The following TMEM223 variants were observed in gnomAD, a reference collection of about 807,000 sequenced individuals.
TMEM223 encodes transmembrane protein 223.
Under a neutral mutation model 14.1 loss-of-function variants are expected in TMEM223, and 14 were observed. The observed-to-expected ratio is 0.99, with a 90% CI of 0.66 to 1.55. The LOEUF is 1.55. TMEM223 is among the 40% of genes most tolerant of loss of function. TMEM223 has a pLI of 0.00. For synonymous variants in TMEM223, 145 were observed against 120.5 expected (o/e 1.20, Z -1.33); for missense variants, 346 against 269.9 (o/e 1.28, Z -1.97).
chr11:62,775,910 C>T (rs1284882457), intron 1 of TMEM223: 6 of 1,612,242 alleles, frequency 3.7e-6, no homozygotes, highest in Non-Finnish European at 4.2e-6. Context: ...CGTGTGCTAT[C>T]GTCTGAGAGA....
At chr11:62,778,665 A>G in intron 1 of TMEM223, 2 of 614,282 alleles carry the variant, frequency 3.3e-6, no homozygotes, top group South Asian at 3.9e-5. Flanking sequence ...GGGTGGGTGG[A>G]AGACAGGACA....
In TMEM223 at chr11:62,790,218, C is replaced by A. The variant is rs146526254; in HGVS notation, c.*405G>T. 1.2e-4 allele frequency: 83 copies of A among 712,678 alleles called. No individual in the cohort carries two copies. The African/African-American group carries it at 1.3e-3, about 11-fold the overall frequency. 44.1% of individuals were successfully genotyped at this position (712,678 alleles called of 1,614,324 possible). A position where few individuals can be genotyped will look rare whatever the true frequency, so the allele number is the denominator to read the frequency against. ...CCTCTTCCTGCAGCTGTTTTTGTACCAAAATATTATATTACTGTCTTCATC... is the reference window on the plus strand; with the variant it reads ...CCTCTTCCTGCAGCTGTTTTTGTACAAAAATATTATATTACTGTCTTCATC... On this transcript the variant is annotated 3_prime_UTR_variant, in exon 2 of 2. Coordinates refer to ENST00000307366, the MANE Select transcript of TMEM223 (RefSeq NM_001080501.3).
At chr11:62,778,182 AGTG>A in intron 1 of TMEM223, 6 of 1,613,754 alleles carry the variant, frequency 3.7e-6, no homozygotes, top group Non-Finnish European at 5.1e-6. Context: ...CGTGAAGAGA[AGTG>A]GTGATGGGCT....
rs187973390 is a variant in TMEM223, at chr11:62,779,147, A to C, written c.315-4482T>G. ...GTGATTCTCCTGCCTCAGCCTCCTG[A>C]ATAGCTGGGATTACAGGCGTGTGCC... is the stretch of plus-strand genomic sequence containing the variant. On this transcript the variant is annotated intron_variant, in intron 1 of 2. Transcript: ENST00000528367. 5.7e-3 allele frequency among the ~76,000 whole-genome samples: 867 copies of C among 151,722 alleles called. 3 individuals carry two copies. Among genetic ancestry groups the C allele is most frequent in the Non-Finnish European group, 8.3e-3 (566 of 67,954 alleles).
downstream of TMEM223, chr11:62,787,781 T>G: frequency 1.5e-6 from 1 of 681,290 alleles, no homozygotes; most frequent in Non-Finnish European, 2.7e-6. Flanking sequence ...CTAGGTGGAG[T>G]CGGGTTTCGT....
chr11:62,776,640 C>T (rs2084190366), intron 1 of TMEM223, among the ~76,000 whole-genome samples: 2 of 151,872 alleles, frequency 1.3e-5, no homozygotes, highest in Admixed American at 6.6e-5. Context: ...CACTTGAGGC[C>T]AGGACTTCAA....
chr11:62,787,387 G>A (rs571074995), downstream of TMEM223: 14 of 1,554,694 alleles, frequency 9.0e-6, no homozygotes, highest in South Asian at 2.3e-5. Flanking sequence ...GGTGGGCTTT[G>A]GGCGGGGTGC....
intron 2 of TMEM223, among the ~76,000 whole-genome samples, chr11:62,773,497 G>T (rs1360200755): frequency 1.0e-4 from 15 of 149,916 alleles, no homozygotes; most frequent in Non-Finnish European, 1.5e-5. Flanking sequence ...ACCCAGAATG[G>T]AGTGCACTGG....
intron 1 of TMEM223, among the ~76,000 whole-genome samples, chr11:62,779,976 A>ATATATATATATATATTTTTTTTTT (rs1294367864): frequency 6.5e-4 from 34 of 52,614 alleles, no homozygotes; most frequent in Non-Finnish European, 9.8e-4. Context: ...ATATATATAT[A>ATATATATATATATATTTTTTTTTT]TTTTTTTTTT....
chr11:62,776,321 T>G, intron 1 of TMEM223: 1 of 1,551,488 alleles, frequency 6.4e-7, no homozygotes, highest in Non-Finnish European at 8.9e-7. Flanking sequence ...CCACTTCATT[T>G]GGGGTTTCCC....
intron 1 of TMEM223, among the ~76,000 whole-genome samples, chr11:62,781,215 G>T (rs1326247613): frequency 7.4e-5 from 11 of 149,456 alleles, no homozygotes; most frequent in Admixed American, 7.3e-4. Context: ...CAGCCTGGGC[G>T]ACAGGGCGAG....
intron 2 of TMEM223, among the ~76,000 whole-genome samples, chr11:62,773,690 C>T (rs1344191654): frequency 6.6e-6 from 1 of 152,120 alleles, no homozygotes; most frequent in African/African-American, 2.4e-5. Context: ...TCAGGTGATT[C>T]GCCCGCCTTG....
At chr11:62,789,709 A>T, downstream of TMEM223, 1 of 1,526,834 alleles carries the variant, frequency 6.5e-7, no homozygotes, top group Non-Finnish European at 8.8e-7. Context: ...GGAAAAACTG[A>T]CATAAATATC....
intron 1 of TMEM223, among the ~76,000 whole-genome samples, chr11:62,774,996 G>A (rs564474488): frequency 3.3e-5 from 5 of 151,626 alleles, no homozygotes; most frequent in Admixed American, 2.0e-4. Flanking sequence ...CCCGGGAGGC[G>A]GAGGTTGCAG....
chr11:62,786,190 A>G, downstream of TMEM223: 1 of 1,549,192 alleles, frequency 6.5e-7, no homozygotes, highest in Non-Finnish European at 8.8e-7. Flanking sequence ...TAGGTCTTTC[A>G]TGGGAAAGGG....
rs200502621 is a variant in TMEM223, at chr11:62,790,084, A to G, written c.*539T>C. The stretch of plus-strand genomic sequence containing the variant: ...AGTGCTTCCTGCAGCCGAAGACTCC[A>G]TGCCCAAGTGCCTGTAATCCCCCCC... On this transcript the variant is annotated 3_prime_UTR_variant, in exon 2 of 2. Transcript: ENST00000307366. 333 of 1,551,794 alleles carry G rather than the reference A, an allele frequency of 2.1e-4. No individual in the cohort carries two copies. Among genetic ancestry groups the G allele is most frequent in the Middle Eastern group, 1.1e-3 (5 of 4,594 alleles).
At position 62,776,374 on chromosome 11, in the gene TMEM223, TC is replaced by T. The variant is rs747673524; in HGVS notation, c.315-1710del. 4.2e-5 allele frequency: 67 copies of T among 1,613,002 alleles called. No individual in the cohort carries two copies. The South Asian group carries it at 7.4e-4, about 18-fold the overall frequency. On this transcript the variant is annotated intron_variant, in intron 1 of 2. Transcript: ENST00000528367. ...TCCTTTGACTCTGGCTTTTGTTCCCTCCCTCCCAGAATAGCTCTCAGTTCAT... is the reference window on the plus strand; with the variant it reads ...TCCTTTGACTCTGGCTTTTGTTCCCTCCTCCCAGAATAGCTCTCAGTTCAT...
chr11:62,782,667 T>A, downstream of TMEM223: 6 of 1,608,938 alleles, frequency 3.7e-6, no homozygotes, highest in Non-Finnish European at 5.1e-6. Context: ...CTCATTCCCC[T>A]CCCTAACTGA....
chr11:62,781,692 G>T, intron 1 of TMEM223: 1 of 508,120 alleles, frequency 2.0e-6, no homozygotes. Context: ...GGACATTCAG[G>T]TTGTATTCAG....
Sources: gnomAD v4.1 joint callset for allele counts (sites outside exome capture counted in the v4.1 genomes callset) on GRCh38, gnomAD v4.1.1 for gene constraint, MANE v1.5 for transcripts, NCBI Gene and HGNC (gene_info 2026-07-23, HGNC 2026-07-21) for gene names.